DMD: variants seen among roughly 807,000 people sequenced by gnomAD.
DMD encodes the protein dystrophin, also known as mutant dystrophin.
A neutral mutation model predicts 330.1 loss-of-function variants in DMD; 63 were observed. The observed-to-expected ratio is 0.19, with a 90% CI of 0.16 to 0.24. The LOEUF is 0.24. Ranked by LOEUF, DMD falls within the 10% of genes least tolerant of loss-of-function variation. The pLI, the probability that DMD is intolerant of heterozygous loss-of-function variation, is 1.00. For missense variants in DMD, 3,344 were observed against 2,684.1 expected, an observed-to-expected ratio of 1.25 and a Z score of -5.43; for synonymous variants, 1,223 against 959.8, an observed-to-expected ratio of 1.27 and a Z score of -5.07.
intron 17 of DMD, among the ~76,000 whole-genome samples, chrX:32,532,275 T>C (rs1020062282): frequency 1.8e-5 from 2 of 111,875 alleles, no homozygotes; most frequent in Admixed American, 9.5e-5. Context: ...GACACTAGAG[T>C]CAATGATACT....
intron 47 of DMD, among the ~76,000 whole-genome samples, chrX:31,923,342 A>T (rs937068441): frequency 2.1e-4 from 23 of 111,778 alleles, no homozygotes; most frequent in African/African-American, 6.8e-4. Flanking sequence ...GCCCTATAAA[A>T]TTATGCATGT....
intron 44 of DMD, among the ~76,000 whole-genome samples, chrX:32,081,120 T>C (rs1603624332): frequency 8.9e-6 from 1 of 112,061 alleles, no homozygotes; most frequent in Non-Finnish European, 1.9e-5. Context: ...TCCCTTACCT[T>C]GTGGGAGGTG....
intron 55 of DMD, among the ~76,000 whole-genome samples, chrX:31,576,195 C>A (rs1039765685): frequency 2.7e-5 from 3 of 111,242 alleles, no homozygotes; most frequent in African/African-American, 9.8e-5. Context: ...CAAATACAGA[C>A]CTCATTTATA....
At chrX:32,178,940 T>TTCTCTCTCTC (rs528690053) in intron 44 of DMD, among the ~76,000 whole-genome samples, 174 of 68,607 alleles carry the variant, frequency 2.5e-3, no homozygotes, top group Admixed American at 6.1e-3. Flanking sequence ...AAACCCCAGA[T>TTCTCTCTCTC]TCTCTCTCTC....
At chrX:32,803,426 AGTTT>A (rs2076728922) in intron 7 of DMD, among the ~76,000 whole-genome samples, 1 of 98,906 alleles carries the variant, frequency 1.0e-5, no homozygotes, top group African/African-American at 4.4e-5. Flanking sequence ...TCCTGAATTG[AGTTT>A]TTTTTTTTTA....
chrX:31,489,181 C>T (rs966035125), intron 57 of DMD, among the ~76,000 whole-genome samples: 1 of 112,036 alleles, frequency 8.9e-6, no homozygotes, highest in African/African-American at 3.2e-5. Flanking sequence ...CACTCTGCCA[C>T]CCAGGCTAGA....
rs1281076543 is a variant in DMD, at chrX:33,096,529, G to C, written c.32-76329C>G. The stretch of plus-strand genomic sequence containing the variant: ...TTTTTTTTTTTATTTTTTTGAGACA[G>C]AGTTTTGCTCTTGTCACCCAGGCTG... On this transcript the variant is annotated intron_variant, in intron 1 of 78. Coordinates refer to ENST00000357033, the MANE Select transcript of DMD (RefSeq NM_004006.3). Among the ~76,000 whole-genome samples, 3 of 100,614 alleles carry C rather than the reference G, an allele frequency of 3.0e-5. No individual in the cohort carries two copies. In the Admixed American group the frequency reaches 3.4e-4, roughly 12 times the overall value. 87.4% of individuals were successfully genotyped at this position (100,614 alleles called of 115,157 possible).
chrX:32,132,926 G>A (rs1289036980), intron 44 of DMD, among the ~76,000 whole-genome samples: 5 of 107,139 alleles, frequency 4.7e-5, no homozygotes, highest in Admixed American at 2.0e-4. Flanking sequence ...AAAATAGAAC[G>A]TCAGTTTTTG....
chrX:31,548,745 T>G (rs1273849735), intron 55 of DMD, among the ~76,000 whole-genome samples: 1 of 110,605 alleles, frequency 9.0e-6, no homozygotes, highest in African/African-American at 3.3e-5. Context: ...TAATATGTTC[T>G]GCCACTCCTC....
chrX:31,467,026 C>T (rs758957929), intron 59 of DMD, among the ~76,000 whole-genome samples: 1 of 112,137 alleles, frequency 8.9e-6, no homozygotes, highest in African/African-American at 3.2e-5. Context: ...TATCCTGAGA[C>T]TTTGCTGAAG....
intron 10 of DMD, 48 bp from the exon 11 acceptor site, chrX:32,644,361 C>G: frequency 3.4e-6 from 4 of 1,168,983 alleles, no homozygotes; most frequent in Non-Finnish European, 4.7e-6. Context: ...CTAGGTAAAT[C>G]GGTGTGGTTT....
At chrX:31,804,519 T>A (rs770278025) in intron 50 of DMD, among the ~76,000 whole-genome samples, 1 of 112,195 alleles carries the variant, frequency 8.9e-6, no homozygotes, top group Non-Finnish European at 1.9e-5. Flanking sequence ...AATATGCTCA[T>A]GTCACTAGTC....
rs749622732 is a variant in DMD, at chrX:31,541,289, T to C, written c.8218-33836A>G. ...TTGGAACAACTTAGGAATGTGAATC[T>C]TCTTTTTTCAACTATAAAGTTTATG... On this transcript the variant is annotated intron_variant, in intron 55 of 78. Coordinates refer to ENST00000357033, the MANE Select transcript of DMD (RefSeq NM_004006.3). 2.0e-4 allele frequency among the ~76,000 whole-genome samples: 23 copies of C among 112,219 alleles called. No individual in the cohort carries two copies. In the South Asian group the frequency reaches 3.4e-3, roughly 16 times the overall value.
Position 32,809,605 on chromosome X carries a change from G to T in DMD, c.537C>A (p.Asp179Glu), listed in dbSNP as rs116605349. ...LNALIHSHRP[D>E]LFDWNSVVCQ... ...AAACCACACTATTCCAGTCAAATAG[G>T]TCTGGCCTAAAACACATACACATAC... Residue 179 changes from aspartate to glutamate, a missense_variant, in exon 7 of 79, where the codon GAC becomes GAA. Transcript: ENST00000357033. 8.3e-7 allele frequency: 1 copy of T among 1,207,243 alleles called. No homozygotes were observed. The highest frequency in any genetic ancestry group is 1.1e-6 in the Non-Finnish European group (1 of 892,069).
chrX:33,211,350 C>T lies in DMD; in HGVS notation c.-38G>A, dbSNP rs746334807. ...ATATCAAGGCAGCGATAAAAAAAACCTGGTAAAAGTTCTTCAAACTTTATT... is the reference window on the plus strand; with the variant it reads ...ATATCAAGGCAGCGATAAAAAAAACTTGGTAAAAGTTCTTCAAACTTTATT... On this transcript the variant is annotated 5_prime_UTR_variant, in exon 1 of 79. Transcript: ENST00000357033. 8 of 1,202,614 alleles carry T rather than the reference C, an allele frequency of 6.7e-6. No individual in the cohort carries two copies. Among genetic ancestry groups the T allele is most frequent in the Non-Finnish European group, 9.0e-6 (8 of 889,961 alleles).
intron 52 of DMD, among the ~76,000 whole-genome samples, chrX:31,698,043 C>T (rs1437088885): frequency 8.9e-6 from 1 of 112,211 alleles, no homozygotes; most frequent in African/African-American, 3.2e-5. Flanking sequence ...GGTGCTACTG[C>T]TTCTCTGTAT....
intron 41 of DMD, among the ~76,000 whole-genome samples, chrX:32,341,606 C>T (rs748899553): frequency 9.0e-6 from 1 of 111,684 alleles, no homozygotes; most frequent in African/African-American, 3.2e-5. Context: ...AGTAGTTAAA[C>T]CAGGTGTGAG....
At chrX:32,696,602 A>G (rs1020493239) in intron 9 of DMD, among the ~76,000 whole-genome samples, 8 of 111,699 alleles carry the variant, frequency 7.2e-5, no homozygotes, top group African/African-American at 2.6e-4. Context: ...TGCCTTAATG[A>G]AGGTGGTGAT....
intron 48 of DMD, among the ~76,000 whole-genome samples, chrX:31,858,112 G>T (rs920321974): frequency 3.6e-5 from 4 of 111,100 alleles, no homozygotes; most frequent in Admixed American, 9.7e-5. Context: ...GATGATAGGG[G>T]TACTTATATA....
Sources: allele counts gnomAD v4.1 joint callset (sites outside exome capture counted in the v4.1 genomes callset), GRCh38; gene constraint gnomAD v4.1.1; transcripts MANE v1.5; gene names NCBI Gene and HGNC (gene_info 2026-07-23, HGNC 2026-07-21).